The following ZNG1A variants were observed in gnomAD, a reference collection of about 807,000 sequenced individuals.
ZNG1A encodes Zn regulated GTPase metalloprotein activator 1A, also known as zinc-regulated GTPase metalloprotein activator 1A.
the ZNG1A span, among the ~76,000 whole-genome samples, chr9:137,558 T>C: frequency 6.6e-6 from 1 of 152,050 alleles, no homozygotes; most frequent in African/African-American, 2.4e-5. Flanking sequence ...GCACTGATAG[T>C]CAAATGAAGA....
At chr9:124,130 G>C in the ZNG1A span, among the ~76,000 whole-genome samples, 1 of 152,030 alleles carries the variant, frequency 6.6e-6, no homozygotes. Context: ...ATTAACTTTA[G>C]GATTTATTTT....
the ZNG1A span, among the ~76,000 whole-genome samples, chr9:174,328 A>G: frequency 1.3e-5 from 2 of 152,054 alleles, no homozygotes; most frequent in African/African-American, 4.8e-5. Context: ...CACTAAGCAA[A>G]TGAGCTCCCA....
the ZNG1A span, chr9:135,045 T>C: frequency 1.0e-6 from 1 of 955,934 alleles, no homozygotes; most frequent in Non-Finnish European, 1.6e-6. Flanking sequence ...AAACAACTGA[T>C]TAGAAATTCA....
chr9:168,542 G>C, the ZNG1A span, among the ~76,000 whole-genome samples: 1 of 150,484 alleles, frequency 6.6e-6, no homozygotes, highest in African/African-American at 2.5e-5. Flanking sequence ...ATGAGCCACC[G>C]AGCCCGGCCA....
At chr9:163,154 AAAGT>A in the ZNG1A span, among the ~76,000 whole-genome samples, 6 of 152,266 alleles carry the variant, frequency 3.9e-5, no homozygotes, top group South Asian at 1.2e-3. Flanking sequence ...TACTTTTGAA[AAAGT>A]AAGAAAATTT....
At chr9:145,276 T>A in the ZNG1A span, among the ~76,000 whole-genome samples, 1 of 150,816 alleles carries the variant, frequency 6.6e-6, no homozygotes, top group Admixed American at 6.6e-5. Flanking sequence ...TTATTCACAA[T>A]AGCAAAGACT....
the ZNG1A span, among the ~76,000 whole-genome samples, chr9:163,346 T>A: frequency 6.6e-6 from 1 of 151,434 alleles, no homozygotes. Context: ...CCTGGAGGAT[T>A]AAAATAAAAG....
At chr9:172,056 G>C in the ZNG1A span, 1,416 of 1,609,622 alleles carry the variant, frequency 8.8e-4, 6 homozygotes, top group African/African-American at 0.017. Context: ...ACTATATTCT[G>C]GTTATTAATA....
At chr9:137,720 GTAA>G in the ZNG1A span, among the ~76,000 whole-genome samples, 3 of 143,456 alleles carry the variant, frequency 2.1e-5, no homozygotes, top group Admixed American at 7.2e-5. Flanking sequence ...TATCTCCCTA[GTAA>G]AGCCAGAACT....
At chr9:160,105 T>A in the ZNG1A span, 2 of 454,728 alleles carry the variant, frequency 4.4e-6, no homozygotes, top group Non-Finnish European at 8.8e-6. Flanking sequence ...GTCCTCAGAA[T>A]AGAGAGCTGT....
chr9:160,072 A>G, the ZNG1A span: 3 of 454,682 alleles, frequency 6.6e-6, no homozygotes, highest in Non-Finnish European at 1.3e-5. Flanking sequence ...TGAAAAGAAC[A>G]ATGTCAGTAG....
chr9:162,112 A>G, the ZNG1A span, among the ~76,000 whole-genome samples: 3 of 148,544 alleles, frequency 2.0e-5, 1 homozygote, highest in African/African-American at 7.6e-5. Flanking sequence ...AGCTTCTTCT[A>G]TGGAACAGAA....
chr9:169,177 T>C, the ZNG1A span, among the ~76,000 whole-genome samples: 7 of 152,232 alleles, frequency 4.6e-5, no homozygotes, highest in African/African-American at 1.7e-4. Flanking sequence ...GAGATCAAAG[T>C]ATCAACATGA....
chr9:171,924 A>T, the ZNG1A span: 2 of 1,099,440 alleles, frequency 1.8e-6, no homozygotes, highest in South Asian at 2.9e-5. Flanking sequence ...CTGCCAAAGA[A>T]AATGACAACC....
At chr9:141,609 C>T in the ZNG1A span, among the ~76,000 whole-genome samples, 1 of 150,192 alleles carries the variant, frequency 6.7e-6, no homozygotes, top group Admixed American at 6.7e-5. Flanking sequence ...AAAGACCATC[C>T]AAGCTAGGAA....
chr9:141,582 G>C, the ZNG1A span, among the ~76,000 whole-genome samples: 8 of 151,340 alleles, frequency 5.3e-5, no homozygotes, highest in Non-Finnish European at 1.0e-4. Flanking sequence ...AGCCGCTGCA[G>C]AATCATGCCA....
chr9:177,439 G>T, the ZNG1A span, among the ~76,000 whole-genome samples: 4 of 151,466 alleles, frequency 2.6e-5, no homozygotes, highest in Non-Finnish European at 5.9e-5. Flanking sequence ...CGAAGTTTCA[G>T]ACATGTTAAG....
At chr9:129,022 G>C in the ZNG1A span, among the ~76,000 whole-genome samples, 1 of 151,682 alleles carries the variant, frequency 6.6e-6, no homozygotes, top group Non-Finnish European at 1.5e-5. Flanking sequence ...AGAGTCGGGA[G>C]ATGTGAACCA....
At chr9:139,605 A>G in the ZNG1A span, among the ~76,000 whole-genome samples, 1 of 152,282 alleles carries the variant, frequency 6.6e-6, no homozygotes, top group East Asian at 1.9e-4. Flanking sequence ...AAGATTCCCC[A>G]CAGGAGAAGG....
Sources: allele counts gnomAD v4.1 joint callset (sites outside exome capture counted in the v4.1 genomes callset), GRCh38; gene constraint gnomAD v4.1.1; transcripts MANE v1.5; gene names NCBI Gene and HGNC (gene_info 2026-07-23, HGNC 2026-07-21).